The following EYA2 variants were observed in gnomAD, a reference collection of about 807,000 sequenced individuals.
EYA2 encodes the protein protein phosphatase EYA2.
In EYA2, 31 loss-of-function variants were observed where a neutral mutation model predicts 69.2. That is an observed-to-expected ratio of 0.45 (90% confidence interval 0.34 to 0.60). EYA2 has a LOEUF of 0.60. EYA2 is among the 20% of genes least tolerant of loss of function. The pLI is 0.02. For missense variants in EYA2, 622 were observed against 701.2 expected (o/e 0.89, Z 1.28); for synonymous variants, 257 against 279.4 (o/e 0.92, Z 0.80).
At chr20:47,063,876 A>G (rs928006913) in intron 5 of EYA2, among the ~76,000 whole-genome samples, 3 of 152,180 alleles carry the variant, frequency 2.0e-5, no homozygotes, top group Non-Finnish European at 4.4e-5. Context: ...TTGTTGCTTC[A>G]TTCTTTCATT....
At chr20:46,929,124 C>T (rs566275982) in intron 1 of EYA2, among the ~76,000 whole-genome samples, 2 of 131,828 alleles carry the variant, frequency 1.5e-5, no homozygotes, top group South Asian at 2.4e-4. Flanking sequence ...GCCCTGGAGA[C>T]GTGCTTTGCC....
Position 46,978,054 on chromosome 20 carries a change from G to A in EYA2, c.-10-11947G>A, listed in dbSNP as rs544230661. On this transcript the variant is annotated intron_variant, in intron 1 of 15. Transcript: ENST00000327619. The stretch of plus-strand genomic sequence containing the variant: ...GTCCCGCAGGCAAGGGTCTGCCCAC[G>A]GCTCCAGGTAGGCATCTTCCAGGGC... 7.2e-5 allele frequency among the ~76,000 whole-genome samples: 11 copies of A among 152,304 alleles called. No individual in the cohort carries two copies. The East Asian group carries it at 2.1e-3, about 29-fold the overall frequency.
rs111836578 is a variant in EYA2 at position 46,933,364 on chromosome 20, C to T, written c.-11+38377C>T. On this transcript the variant is annotated intron_variant, in intron 1 of 15. Coordinates refer to ENST00000327619, the MANE Select transcript of EYA2 (RefSeq NM_005244.5). ...AGAGGCTAGAGGCCCTCAGCAGCAG[C>T]GTGGTGGCAGCTGTTGGATCGGCTG... is the stretch of plus-strand genomic sequence containing the variant. Among the ~76,000 whole-genome samples, 724 of 152,280 alleles carry T rather than the reference C, an allele frequency of 4.8e-3. 6 individuals are homozygous for T. Among genetic ancestry groups the T allele is most frequent in the African/African-American group, 0.016 (677 of 41,556 alleles).
At chr20:46,924,594 C>T (rs1985323703) in intron 1 of EYA2, among the ~76,000 whole-genome samples, 1 of 145,068 alleles carries the variant, frequency 6.9e-6, no homozygotes, top group African/African-American at 2.6e-5. Flanking sequence ...GGCGTGAACC[C>T]AGGAGGCGGA....
At chr20:47,028,372 A>G (rs969712076) in intron 5 of EYA2, among the ~76,000 whole-genome samples, 4 of 152,258 alleles carry the variant, frequency 2.6e-5, no homozygotes, top group African/African-American at 9.6e-5. Context: ...GGAAAAGCTA[A>G]TATCCTGAGC....
chr20:47,169,110 TC>T, intron 10 of EYA2, 28 bp from the exon 11 acceptor site: 1 of 1,607,682 alleles, frequency 6.2e-7, no homozygotes, highest in African/African-American at 1.3e-5. Context: ...GTTCTCTCTC[TC>T]TCTCTCTCTC....
chr20:46,980,571 G>A (rs550916632), intron 1 of EYA2, among the ~76,000 whole-genome samples: 2 of 152,134 alleles, frequency 1.3e-5, no homozygotes, highest in East Asian at 3.9e-4. Context: ...AGCATAATTG[G>A]GATTTCATCC....
intron 4 of EYA2, among the ~76,000 whole-genome samples, chr20:47,010,593 C>T (rs890167644): frequency 7.3e-5 from 11 of 150,642 alleles, no homozygotes; most frequent in Admixed American, 6.0e-4. Context: ...CATGCCACTG[C>T]ACTCCAGCCT....
At chr20:47,019,528 G>GAGC (rs1230235919) in intron 5 of EYA2, among the ~76,000 whole-genome samples, 1 of 151,876 alleles carries the variant, frequency 6.6e-6, no homozygotes, top group Non-Finnish European at 1.5e-5. Flanking sequence ...GAACTACTGA[G>GAGC]AGCATTTCAG....
At chr20:47,074,587 G>A (rs1015334862) in intron 7 of EYA2, among the ~76,000 whole-genome samples, 7 of 152,158 alleles carry the variant, frequency 4.6e-5, no homozygotes, top group African/African-American at 9.7e-5. Flanking sequence ...TTGCATTTAC[G>A]TTTAAAAGTC....
At chr20:47,110,086 T>C (rs2032706334) in intron 9 of EYA2, among the ~76,000 whole-genome samples, 1 of 152,108 alleles carries the variant, frequency 6.6e-6, no homozygotes, top group African/African-American at 2.4e-5. Context: ...ACACCCTCTC[T>C]CTCATTTAAT....
Position 47,001,483 on chromosome 20 carries a change from A to G in EYA2, c.155+10A>G, listed in dbSNP as rs766745108. On this transcript the variant is annotated intron_variant, in intron 3 of 15. Coordinates refer to ENST00000327619, the MANE Select transcript of EYA2 (RefSeq NM_005244.5). ...CCCAGCTCTTCTCCAGGTGAGTGCC[A>G]TTCACTTGTCTCCTGCTCACATGCC... 4 of 1,613,798 alleles carry G rather than the reference A, an allele frequency of 2.5e-6. No individual in the cohort carries two copies. In the East Asian group the frequency reaches 6.7e-5, roughly 27 times the overall value.
intron 1 of EYA2, among the ~76,000 whole-genome samples, chr20:46,919,377 T>C (rs1471440290): frequency 6.6e-6 from 1 of 152,256 alleles, no homozygotes; most frequent in Non-Finnish European, 1.5e-5. Flanking sequence ...TGTAGCCACC[T>C]TCATCACTGA....
intron 9 of EYA2, among the ~76,000 whole-genome samples, chr20:47,114,238 C>T (rs1017601512): frequency 1.3e-5 from 2 of 152,234 alleles, no homozygotes; most frequent in South Asian, 2.1e-4. Flanking sequence ...CACTAAAAGC[C>T]TCTGGAAAAG....
At chr20:47,039,133 G>A (rs77495366) in intron 5 of EYA2, among the ~76,000 whole-genome samples, 42,847 of 150,774 alleles carry the variant, frequency 0.28, 6,258 homozygotes, top group South Asian at 0.42. Flanking sequence ...ACACACACAC[G>A]CGCGCACAAT....
intron 9 of EYA2, among the ~76,000 whole-genome samples, chr20:47,135,401 T>C (rs1447759076): frequency 6.6e-6 from 1 of 152,068 alleles, no homozygotes; most frequent in Non-Finnish European, 1.5e-5. Flanking sequence ...GTAGTCTGGC[T>C]TAGAGCCCAC....
intron 1 of EYA2, among the ~76,000 whole-genome samples, chr20:46,934,785 G>A (rs931967727): frequency 6.6e-6 from 1 of 152,192 alleles, no homozygotes; most frequent in African/African-American, 2.4e-5. Flanking sequence ...ATGAGCAAAG[G>A]CCCAGAGGGA....
chr20:46,932,789 G>A (rs573339729), intron 1 of EYA2, among the ~76,000 whole-genome samples: 77 of 152,282 alleles, frequency 5.1e-4, no homozygotes, highest in Non-Finnish European at 1.0e-3. Context: ...GGATGGCTGA[G>A]GCAGGAGAAT....
chr20:47,006,996 C>T (rs553192765), intron 4 of EYA2, among the ~76,000 whole-genome samples: 1 of 152,328 alleles, frequency 6.6e-6, no homozygotes, highest in South Asian at 2.1e-4. Flanking sequence ...GTGGCACCAT[C>T]GCAGCTCACC....
Sources: gnomAD v4.1 joint callset for allele counts (sites outside exome capture counted in the v4.1 genomes callset) on GRCh38, gnomAD v4.1.1 for gene constraint, MANE v1.5 for transcripts, NCBI Gene and HGNC (gene_info 2026-07-23, HGNC 2026-07-21) for gene names.